The following CCDC92 variants were observed in gnomAD, a reference collection of about 807,000 sequenced individuals.
The protein encoded by CCDC92 is coiled-coil domain-containing protein 92.
CCDC92 carries 12 observed loss-of-function variants against 24.9 expected under a neutral mutation model. That is an observed-to-expected ratio of 0.48 (90% confidence interval 0.31 to 0.78). The LOEUF is 0.78. CCDC92 is among the 30% of genes least tolerant of loss of function. The probability of loss-of-function intolerance (pLI) is 0.05; values close to 1 mark genes in which losing one functional copy is unlikely to be tolerated. For synonymous variants in CCDC92, 193 were observed against 196.3 expected (o/e 0.98, Z 0.14); for missense variants, 399 against 439.4 (o/e 0.91, Z 0.82).
At chr12:123,962,331 T>C (rs1011823625) in intron 1 of CCDC92, among the ~76,000 whole-genome samples, 2 of 152,220 alleles carry the variant, frequency 1.3e-5, no homozygotes, top group African/African-American at 4.8e-5. Flanking sequence ...AAACAAGTAT[T>C]TTAAGACACC....
intron 2 of CCDC92, 136 bp from the exon 3 acceptor site, chr12:123,943,629 G>C (rs902876906): frequency 1.1e-6 from 1 of 904,154 alleles, no homozygotes; most frequent in African/African-American, 1.6e-5. Flanking sequence ...GAAGGGCAGG[G>C]TGTGGGGGCA....
intron 1 of CCDC92, among the ~76,000 whole-genome samples, chr12:123,951,261 A>G (rs1000698711): frequency 2.0e-5 from 3 of 152,198 alleles, no homozygotes; most frequent in African/African-American, 7.2e-5. Flanking sequence ...GAATCTGAAC[A>G]TGACCTCACC....
At chr12:123,959,017 C>T (rs111976018) in intron 1 of CCDC92, among the ~76,000 whole-genome samples, 1,611 of 152,294 alleles carry the variant, frequency 0.011, 10 homozygotes, top group Non-Finnish European at 0.017. Context: ...GTACTGGATC[C>T]GCGAGCTATA....
In CCDC92 at chr12:123,936,899, A is replaced by G. The variant is rs2137823690; in HGVS notation, c.*159T>C. The stretch of plus-strand genomic sequence containing the variant: ...TATTCTGCGGCAGGGACACGATCAT[A>G]TTTTGGTGTGAAGAAGAGGGCAAGA... On this transcript the variant is annotated 3_prime_UTR_variant, in exon 5 of 5. Transcript: ENST00000238156. The G allele has an allele frequency of 1.3e-6, 1 of 752,182 alleles. No homozygotes were observed. Among genetic ancestry groups the G allele is most frequent in the Non-Finnish European group, 2.1e-6 (1 of 467,580 alleles). 46.6% of individuals were successfully genotyped at this position (752,182 alleles called of 1,614,324 possible).
At chr12:123,956,092 A>T (rs557915591) in intron 1 of CCDC92, among the ~76,000 whole-genome samples, 3 of 152,250 alleles carry the variant, frequency 2.0e-5, no homozygotes, top group Non-Finnish European at 4.4e-5. Context: ...TGAAATTATT[A>T]AAATAGTCCA....
At chr12:123,954,871 C>G (rs1381862763) in intron 1 of CCDC92, among the ~76,000 whole-genome samples, 1 of 152,224 alleles carries the variant, frequency 6.6e-6, no homozygotes, top group Non-Finnish European at 1.5e-5. Context: ...GGAGGGAGCA[C>G]CAGCATTCCA....
At chr12:123,956,631 T>C (rs1956156161) in intron 1 of CCDC92, among the ~76,000 whole-genome samples, 1 of 152,218 alleles carries the variant, frequency 6.6e-6, no homozygotes, top group South Asian at 2.1e-4. Context: ...ACAAAACAGC[T>C]ATCCATTAAG....
At chr12:123,970,788 G>A (rs187618267) in intron 1 of CCDC92, among the ~76,000 whole-genome samples, 3 of 152,312 alleles carry the variant, frequency 2.0e-5, no homozygotes, top group Non-Finnish European at 4.4e-5. Context: ...AAAGTTCCAT[G>A]ACTTTTCTTG....
At chr12:123,956,174 G>C (rs1956145833) in intron 1 of CCDC92, 1 of 152,198 alleles carries the variant, frequency 6.6e-6, no homozygotes, top group East Asian at 1.9e-4. Context: ...ACCTTCTGGT[G>C]ATCAATAATC....
chr12:123,947,565 A>G (rs1167124583), intron 1 of CCDC92, among the ~76,000 whole-genome samples: 1 of 152,120 alleles, frequency 6.6e-6, no homozygotes, highest in African/African-American at 2.4e-5. Context: ...GAATGCACCA[A>G]TCGACACTCT....
intron 1 of CCDC92, among the ~76,000 whole-genome samples, chr12:123,964,393 A>C (rs1956343803): frequency 1.3e-5 from 2 of 151,020 alleles, no homozygotes; most frequent in Non-Finnish European, 2.9e-5. Flanking sequence ...GTATAAGAGA[A>C]GGTTATGTCT....
intron 4 of CCDC92, among the ~76,000 whole-genome samples, chr12:123,938,072 T>C (rs1041154287): frequency 1.3e-5 from 2 of 152,210 alleles, no homozygotes; most frequent in Admixed American, 1.3e-4. Context: ...AGAATGTCTC[T>C]GAACCTTAAA....
chr12:123,951,292 A>T (rs529864968), intron 1 of CCDC92, among the ~76,000 whole-genome samples: 27 of 152,340 alleles, frequency 1.8e-4, no homozygotes, highest in African/African-American at 6.5e-4. Context: ...TCAATATTCC[A>T]GAAGCAATAT....
chr12:123,944,424 A>C, intron 1 of CCDC92, 60 bp from the exon 2 acceptor site: 2 of 955,704 alleles, frequency 2.1e-6, no homozygotes, highest in East Asian at 3.1e-5. Flanking sequence ...AGAACCTCAG[A>C]ATGCATTTTC....
At position 123,935,675 on chromosome 12, in the gene CCDC92, A is replaced by T. The variant is rs889269549; in HGVS notation, c.*1383T>A. On this transcript the variant is annotated 3_prime_UTR_variant, in exon 5 of 5. Transcript: ENST00000238156. ...GTTTTGTTTTTAATACTACTTTTTA[A>T]AAGGAATTTATATAATCAAAAAGTA... 7 of 501,640 alleles carry T rather than the reference A, an allele frequency of 1.4e-5. No homozygotes were observed. The highest frequency in any genetic ancestry group is 1.1e-4 in the African/African-American group (6 of 52,660). The allele number at this position is 501,640 out of a possible 1,614,324, so 31.1% of individuals were successfully genotyped here.
intron 1 of CCDC92, among the ~76,000 whole-genome samples, chr12:123,951,249 A>G (rs1956017596): frequency 6.6e-6 from 1 of 152,232 alleles, no homozygotes; most frequent in Non-Finnish European, 1.5e-5. Context: ...CCTCAGCAGC[A>G]TGAATCTGAA....
chr12:123,947,537 G>A (rs183720873), intron 1 of CCDC92, among the ~76,000 whole-genome samples: 1 of 152,156 alleles, frequency 6.6e-6, no homozygotes. Context: ...AGCACCCTGT[G>A]TCTAGCTCAG....
chr12:123,939,331 A>C (rs1002937586), intron 4 of CCDC92, among the ~76,000 whole-genome samples: 4 of 151,958 alleles, frequency 2.6e-5, no homozygotes, highest in Non-Finnish European at 4.4e-5. Context: ...CCGCCGCCAG[A>C]CTCTGAGCTT....
intron 1 of CCDC92, chr12:123,971,777 AGCTCTGCTGCGTTTGTGCATTCT>A (rs1956546970): frequency 6.6e-6 from 1 of 152,282 alleles, no homozygotes. Flanking sequence ...CCAAGCCTGG[AGCTCTGCTGCGTTTGTGCATTCT>A]GCTCCGTTTC....
Sources: allele counts gnomAD v4.1 joint callset (sites outside exome capture counted in the v4.1 genomes callset), GRCh38; gene constraint gnomAD v4.1.1; transcripts MANE v1.5; gene names NCBI Gene and HGNC (gene_info 2026-07-23, HGNC 2026-07-21).